Variants in CDH18 observed in about 807,000 individuals in gnomAD.
The protein encoded by CDH18 is cadherin 18.
CDH18 carries 31 observed loss-of-function variants against 67.9 expected under a neutral mutation model. The observed-to-expected ratio is 0.46, with a 90% CI of 0.34 to 0.62. The LOEUF (loss-of-function observed/expected upper bound fraction) is 0.62. CDH18 is among the 20% of genes least tolerant of loss of function. The pLI is 0.01. For missense variants in CDH18, 890 were observed against 975.5 expected, an observed-to-expected ratio of 0.91 and a Z score of 1.17; for synonymous variants, 362 against 347.2, an observed-to-expected ratio of 1.04 and a Z score of -0.48.
At chr5:20,389,786 A>G (rs1744674727) in intron 1 of CDH18, among the ~76,000 whole-genome samples, 1 of 152,190 alleles carries the variant, frequency 6.6e-6, no homozygotes, top group Admixed American at 6.5e-5. Flanking sequence ...GTACCAAAAC[A>G]GAGATATAGA....
intron 8 of CDH18, among the ~76,000 whole-genome samples, chr5:19,563,054 C>A (rs948005160): frequency 6.6e-6 from 1 of 152,020 alleles, no homozygotes. Context: ...TGGAGTAAAC[C>A]CATAAAAGGG....
intron 3 of CDH18, among the ~76,000 whole-genome samples, chr5:19,798,148 T>C (rs1777052003): frequency 6.6e-6 from 1 of 151,990 alleles, no homozygotes; most frequent in Admixed American, 6.6e-5. Flanking sequence ...ACCTAGGCAG[T>C]AGATAACATT....
intron 1 of CDH18, among the ~76,000 whole-genome samples, chr5:20,354,417 T>C (rs1235401606): frequency 6.6e-6 from 1 of 152,174 alleles, no homozygotes; most frequent in African/African-American, 2.4e-5. Context: ...CTGACCTTGC[T>C]TTATTTATTT....
chr5:19,777,676 G>A (rs917505811), intron 3 of CDH18, among the ~76,000 whole-genome samples: 1 of 152,168 alleles, frequency 6.6e-6, no homozygotes, highest in Non-Finnish European at 1.5e-5. Flanking sequence ...GTAAAGAATT[G>A]CCAAATAAAT....
At position 20,501,918 on chromosome 5, in the gene CDH18, A is replaced by ACACG. The variant is rs1491434523; in HGVS notation, c.-580+73543_-580+73544insCGTG. Among the ~76,000 whole-genome samples, 21 of 149,068 alleles carry ACACG rather than the reference A, an allele frequency of 1.4e-4. 3 individuals are homozygous for ACACG. Among genetic ancestry groups the ACACG allele is most frequent in the South Asian group, 6.4e-4 (3 of 4,670 alleles). On this transcript the variant is annotated intron_variant, in intron 1 of 14. Transcript: ENST00000507958. ...TACACACACACACACACACACACAC[A>ACACG]TTTTATTATTTCAAGAAAACAGCAA...
intron 5 of CDH18, among the ~76,000 whole-genome samples, chr5:19,671,560 T>C (rs1002390465): frequency 7.2e-5 from 11 of 152,144 alleles, no homozygotes; most frequent in Admixed American, 3.9e-4. Context: ...CTGATGAGAA[T>C]TGCTGAATCT....
chr5:20,397,480 C>G (rs1220816652), intron 1 of CDH18, among the ~76,000 whole-genome samples: 1 of 151,938 alleles, frequency 6.6e-6, no homozygotes. Flanking sequence ...AATTACTAGC[C>G]TAGGAACTGT....
intron 5 of CDH18, among the ~76,000 whole-genome samples, chr5:19,641,375 A>T (rs529561537): frequency 6.6e-6 from 1 of 152,158 alleles, no homozygotes; most frequent in Admixed American, 6.5e-5. Flanking sequence ...AAAATCACAC[A>T]AAGGCACTGC....
intron 5 of CDH18, among the ~76,000 whole-genome samples, chr5:19,716,970 A>T (rs2150558177): frequency 6.6e-6 from 1 of 152,238 alleles, no homozygotes; most frequent in Non-Finnish European, 1.5e-5. Context: ...AGTAGTATTT[A>T]CTGGGCATGT....
At chr5:20,056,680 CTTTTTTTTTTTT>C (rs397758122) in intron 2 of CDH18, among the ~76,000 whole-genome samples, 58 of 70,022 alleles carry the variant, frequency 8.3e-4, no homozygotes, top group African/African-American at 3.0e-3. Flanking sequence ...TCTATATTCT[CTTTTTTTTTTTT>C]TTTTTTTTTT....
chr5:19,733,241 G>A (rs1036360314), intron 4 of CDH18, among the ~76,000 whole-genome samples: 1 of 152,142 alleles, frequency 6.6e-6, no homozygotes, highest in African/African-American at 2.4e-5. Context: ...TCTTTGTAGT[G>A]CTTTCCTTTG....
At chr5:19,824,393 G>A (rs1780199779) in intron 3 of CDH18, among the ~76,000 whole-genome samples, 1 of 152,154 alleles carries the variant, frequency 6.6e-6, no homozygotes, top group Non-Finnish European at 1.5e-5. Context: ...CCCCAGTATG[G>A]GAAAGGGTGA....
intron 1 of CDH18, among the ~76,000 whole-genome samples, chr5:20,389,849 C>A (rs1313275412): frequency 6.6e-6 from 1 of 152,140 alleles, no homozygotes; most frequent in Non-Finnish European, 1.5e-5. Context: ...CTACAACTAT[C>A]TGATCTTTGA....
At chr5:20,495,418 G>C (rs1010758896) in intron 1 of CDH18, among the ~76,000 whole-genome samples, 1 of 152,076 alleles carries the variant, frequency 6.6e-6, no homozygotes, top group African/African-American at 2.4e-5. Context: ...GCAGTGCCCA[G>C]GTTAGGATTA....
rs187339726 is a variant in CDH18, at chr5:19,744,941, G to A, written c.523+2001C>T. ...TTCTATTTACTCTTCCTGGAACTTG[G>A]AAAGTCTACTAAACTTGTAAAGTCA... On this transcript the variant is annotated intron_variant, in intron 4 of 12. Transcript: ENST00000382275. Among the ~76,000 whole-genome samples the A allele has an allele frequency of 2.6e-5, 4 of 152,188 alleles. No homozygotes were observed. The East Asian group carries it at 7.7e-4, about 29-fold the overall frequency.
chr5:20,154,150 A>G (rs1215389531), intron 2 of CDH18, among the ~76,000 whole-genome samples: 1 of 152,090 alleles, frequency 6.6e-6, no homozygotes, highest in Non-Finnish European at 1.5e-5. Context: ...CTTTCTCTCT[A>G]TGGTTAATGA....
intron 2 of CDH18, among the ~76,000 whole-genome samples, chr5:20,054,184 G>A (rs1741701189): frequency 6.6e-6 from 1 of 151,800 alleles, no homozygotes; most frequent in Non-Finnish European, 1.5e-5. Flanking sequence ...TGCCATAAAG[G>A]CAGGATGTTA....
chr5:19,895,604 A>G (rs1263183928), intron 2 of CDH18, among the ~76,000 whole-genome samples: 2 of 152,176 alleles, frequency 1.3e-5, no homozygotes, highest in Non-Finnish European at 2.9e-5. Context: ...GGATCTGAAA[A>G]TAACTGAAGT....
At chr5:19,696,683 C>T (rs573007336) in intron 5 of CDH18, among the ~76,000 whole-genome samples, 4 of 152,014 alleles carry the variant, frequency 2.6e-5, no homozygotes, top group Admixed American at 6.6e-5. Flanking sequence ...CGTGAGCCAC[C>T]GCACCCAGCC....
Sources: gnomAD v4.1 joint callset for allele counts (sites outside exome capture counted in the v4.1 genomes callset) on GRCh38, gnomAD v4.1.1 for gene constraint, MANE v1.5 for transcripts, NCBI Gene and HGNC (gene_info 2026-07-23, HGNC 2026-07-21) for gene names.